Variants in NEK2 observed in about 807,000 individuals in gnomAD.
NEK2 encodes NIMA related kinase 2, also known as serine/threonine-protein kinase Nek2.
Under a neutral mutation model 54.1 loss-of-function variants are expected in NEK2, and 28 were observed. That is an observed-to-expected ratio of 0.52 (90% CI 0.38 to 0.71). The LOEUF (loss-of-function observed/expected upper bound fraction) is 0.71. Among genes scored for constraint, NEK2 ranks in the 30% least tolerant of loss-of-function variants. The pLI is 0.00. For synonymous variants in NEK2, 176 were observed against 193.1 expected (o/e 0.91, Z 0.73); for missense variants, 407 against 531.5 (o/e 0.77, Z 2.30).
At chr1:211,660,458 A>T, downstream of NEK2, 1 of 698,308 alleles carries the variant, frequency 1.4e-6, no homozygotes, top group Non-Finnish European at 2.7e-6. Flanking sequence ...AGCCAGCTGC[A>T]TTTGTTGTCC....
rs1345379749 is a variant in NEK2, at chr1:211,663,233, A to G, written c.*193T>C. ...TTTATAATATGTTCTTAAAAGAAGA[A>G]AGAAAAATTAAATGTGAACATTTTG... On this transcript the variant is annotated 3_prime_UTR_variant, in exon 8 of 8. Coordinates refer to ENST00000366999, the MANE Select transcript of NEK2 (RefSeq NM_002497.4). 3.0e-6 allele frequency: 4 copies of G among 1,350,378 alleles called. No individual in the cohort carries two copies. Among genetic ancestry groups the G allele is most frequent in the Non-Finnish European group, 3.8e-6 (4 of 1,051,212 alleles). 83.6% of individuals were successfully genotyped at this position (1,350,378 alleles called of 1,614,324 possible).
intron 1 of NEK2, 135 bp from the exon 2 acceptor site, chr1:211,674,648 G>T: frequency 3.0e-6 from 2 of 669,604 alleles, no homozygotes; most frequent in Non-Finnish European, 5.0e-6. Flanking sequence ...TTAGTTCAAT[G>T]AACTTAAGGA....
chr1:211,662,416 C>G (rs1655038851), downstream of NEK2, among the ~76,000 whole-genome samples: 2 of 152,116 alleles, frequency 1.3e-5, no homozygotes, highest in African/African-American at 4.8e-5. This position sits in a 1 kb window ranked among gnomAD's most constrained non-coding sequence, Gnocchi z 4.2. Context: ...GGATTATGAT[C>G]CAAACCCATG....
downstream of NEK2, among the ~76,000 whole-genome samples, chr1:211,662,249 C>T (rs1197156757): frequency 6.6e-6 from 1 of 152,192 alleles, no homozygotes; most frequent in African/African-American, 2.4e-5. This position sits in a 1 kb window ranked among gnomAD's most constrained non-coding sequence, Gnocchi z 4.2. Context: ...TAATCCCTAA[C>T]CTCAAATTCG....
intron 2 of NEK2, 44 bp from the exon 3 acceptor site, chr1:211,673,767 C>T: frequency 1.3e-6 from 2 of 1,589,116 alleles, no homozygotes; most frequent in East Asian, 4.5e-5. Flanking sequence ...CTAAAAAAAT[C>T]ATTGCCAAGA....
At chr1:211,673,853 C>A in intron 2 of NEK2, 130 bp from the exon 3 acceptor site, 7 of 972,156 alleles carry the variant, frequency 7.2e-6, no homozygotes, top group South Asian at 1.9e-5. Flanking sequence ...GAGACAGGGT[C>A]TTACTCTGTC....
intron 7 of NEK2, chr1:211,666,592 A>G (rs941675934): frequency 4.3e-6 from 2 of 461,276 alleles, no homozygotes; most frequent in Non-Finnish European, 5.7e-6. Context: ...CGAGGTCAGG[A>G]AATCGAGACC....
downstream of NEK2, chr1:211,658,633 T>C (rs904766651): frequency 1.8e-5 from 8 of 436,868 alleles, no homozygotes; most frequent in Non-Finnish European, 3.2e-5. Context: ...AGTGGGAGGA[T>C]TACTTGAGCC....
In NEK2 at chr1:211,663,551, T is replaced by A. The variant is rs1306172346; in HGVS notation, c.1213A>T (p.Thr405Ser). ...AGGTCCTTGCACTTGGACTTAGATG[T>A]GAGCTGACTCTCAGAATTCTCACTC... The part of the protein sequence containing the change: ...MRSENSESQL[T>S]SKSKCKDLKK... The change falls in exon 8 of 8, where the codon ACA (threonine) becomes TCA (serine). Residue 405 changes from threonine to serine, a missense_variant. Thr to Ser is a moderately conservative substitution (Grantham distance 58). Coordinates refer to ENST00000366999, the MANE Select transcript of NEK2 (RefSeq NM_002497.4). 2.5e-6 allele frequency: 4 copies of A among 1,613,946 alleles called. No homozygotes were observed. The highest frequency in any genetic ancestry group is 3.4e-6 in the Non-Finnish European group (4 of 1,179,856).
At chr1:211,674,592 T>C (rs1453113919) in intron 1 of NEK2, 79 bp from the exon 2 acceptor site, 4 of 1,012,610 alleles carry the variant, frequency 4.0e-6, no homozygotes, top group Admixed American at 2.5e-5. Flanking sequence ...ATTTAACAAA[T>C]TACCTCCCTT....
chr1:211,664,395 A>C (rs1655112762), intron 7 of NEK2, among the ~76,000 whole-genome samples: 1 of 152,200 alleles, frequency 6.6e-6, no homozygotes, highest in Non-Finnish European at 1.5e-5. Context: ...AGGATGGGCC[A>C]CTGTGAACCA....
At position 211,663,579 on chromosome 1, in the gene NEK2, CATG is replaced by C. The variant is rs1342311953; in HGVS notation, c.1182_1184del (p.Ile394del). Reference sequence around the variant, plus strand: ...GCTGACTCTCAGAATTCTCACTCCTCATGATGTTCTCTTTACTTTCCCCACTGA... The same window carrying C: ...GCTGACTCTCAGAATTCTCACTCCTCATGTTCTCTTTACTTTCCCCACTGA... On this transcript the variant is annotated inframe_deletion, in exon 8 of 8. Transcript: ENST00000366999. 1.2e-6 allele frequency: 2 copies of C among 1,613,868 alleles called. No individual in the cohort carries two copies. Among genetic ancestry groups the C allele is most frequent in the Non-Finnish European group, 1.7e-6 (2 of 1,179,862 alleles).
At chr1:211,661,623 C>CCGT (rs1450866115), downstream of NEK2, among the ~76,000 whole-genome samples, 8 of 152,170 alleles carry the variant, frequency 5.3e-5, no homozygotes, top group African/African-American at 1.9e-4. Context: ...TTTGAAAGTG[C>CCGT]CGTCCACTAG....
intron 2 of NEK2, 134 bp from the exon 3 acceptor site, chr1:211,673,857 C>A (rs1359751704): frequency 1.6e-5 from 15 of 960,488 alleles, no homozygotes; most frequent in East Asian, 5.5e-5. Flanking sequence ...CAGGGTCTTA[C>A]TCTGTCACCC....
At chr1:211,667,052 G>A in intron 7 of NEK2, 54 bp downstream of exon 7, 6 of 1,611,444 alleles carry the variant, frequency 3.7e-6, no homozygotes, top group Non-Finnish European at 4.2e-6. Flanking sequence ...CAACACTGGT[G>A]CACATTTCTT....
chr1:211,663,378 G>T lies in NEK2; in HGVS notation c.*48C>A. The T allele has an allele frequency of 6.4e-7, 1 of 1,564,224 alleles. No homozygotes were observed. Among genetic ancestry groups the T allele is most frequent in the South Asian group, 1.2e-5 (1 of 86,200 alleles). On this transcript the variant is annotated 3_prime_UTR_variant, in exon 8 of 8. Transcript: ENST00000366999. ...CAGCATTTGAATATCAGTCTTTAAA[G>T]GTTGGTAATATTACATCCTGTACAC...
downstream of NEK2, among the ~76,000 whole-genome samples, chr1:211,659,929 C>T (rs780985439): frequency 2.0e-5 from 3 of 151,558 alleles, no homozygotes; most frequent in Non-Finnish European, 4.4e-5. Flanking sequence ...TCAGACAATC[C>T]TCCTGCCTCA....
chr1:211,662,759 C>T (rs969926590), downstream of NEK2: 6 of 982,674 alleles, frequency 6.1e-6, no homozygotes, highest in South Asian at 2.4e-4. The surrounding 1 kb of genome is among the most constrained non-coding windows in gnomAD (Gnocchi z 4.2). Flanking sequence ...CCAACAAATG[C>T]AAGACACATA....
At chr1:211,659,450 C>A (rs1365469118), downstream of NEK2, among the ~76,000 whole-genome samples, 2 of 152,134 alleles carry the variant, frequency 1.3e-5, no homozygotes, top group Non-Finnish European at 2.9e-5. Context: ...TCCTGGCATT[C>A]TTCTATGATT....
Sources: allele counts gnomAD v4.1 joint callset (sites outside exome capture counted in the v4.1 genomes callset), GRCh38; gene constraint gnomAD v4.1.1; non-coding constraint Gnocchi (gnomAD v3.1); transcripts MANE v1.5; gene names NCBI Gene and HGNC (gene_info 2026-07-23, HGNC 2026-07-21).